The following OSBPL10 variants were observed in gnomAD, a reference collection of about 807,000 sequenced individuals.
OSBPL10 encodes the protein oxysterol-binding protein-related protein 10.
In OSBPL10, 49 loss-of-function variants were observed where a neutral mutation model predicts 81.7. The ratio of observed to expected loss-of-function variants is 0.60; its 90% CI spans 0.48 to 0.76. The LOEUF (loss-of-function observed/expected upper bound fraction) is 0.76. Among genes scored for constraint, OSBPL10 ranks in the 30% least tolerant of loss-of-function variants. The probability of loss-of-function intolerance (pLI) is 0.00; values close to 1 mark genes in which losing one functional copy is unlikely to be tolerated. For missense variants in OSBPL10, 923 were observed against 987.8 expected (o/e 0.93, Z 0.88); for synonymous variants, 419 against 383.6 (o/e 1.09, Z -1.08).
intron 7 of OSBPL10, among the ~76,000 whole-genome samples, chr3:31,688,150 T>G (rs1700840096): frequency 6.6e-6 from 1 of 151,702 alleles, no homozygotes; most frequent in Non-Finnish European, 1.5e-5. Context: ...CCTCCAACTC[T>G]CCTCCACACA....
chr3:31,970,045 A>G (rs1404433692), intron 1 of OSBPL10, among the ~76,000 whole-genome samples: 1 of 152,164 alleles, frequency 6.6e-6, no homozygotes, highest in East Asian at 1.9e-4. Flanking sequence ...GTAGGAGACC[A>G]AGTTCTTTCC....
At chr3:31,875,559 A>G (rs1470177941) in intron 3 of OSBPL10, among the ~76,000 whole-genome samples, 2 of 88,534 alleles carry the variant, frequency 2.3e-5, no homozygotes, top group Non-Finnish European at 5.1e-5. Flanking sequence ...TTTCTTTAAA[A>G]AAAAAAAAAA....
intron 1 of OSBPL10, among the ~76,000 whole-genome samples, chr3:31,901,013 T>C (rs144305482): frequency 1.8e-4 from 28 of 152,258 alleles, no homozygotes; most frequent in Admixed American, 5.2e-4. Context: ...TCTGCAACTC[T>C]ACTGTAAATC....
At chr3:31,803,667 C>T (rs1283578551) in intron 4 of OSBPL10, among the ~76,000 whole-genome samples, 3 of 152,186 alleles carry the variant, frequency 2.0e-5, no homozygotes, top group African/African-American at 4.8e-5. Context: ...AGTTTTCCCA[C>T]TAATAGCTTT....
At chr3:31,794,726 G>A (rs902281982) in intron 4 of OSBPL10, 1 of 291,950 alleles carries the variant, frequency 3.4e-6, no homozygotes, top group Non-Finnish European at 7.2e-6. Flanking sequence ...AGGGCAGGGG[G>A]GTCTCCCAAG....
intron 1 of OSBPL10, among the ~76,000 whole-genome samples, chr3:31,946,246 CTAA>C: frequency 6.6e-6 from 1 of 151,908 alleles, no homozygotes; most frequent in Admixed American, 6.6e-5. Flanking sequence ...TCCCCAAGTG[CTAA>C]AATTATAGGC....
chr3:31,735,483 A>C (rs558372947), intron 5 of OSBPL10, among the ~76,000 whole-genome samples: 1 of 152,176 alleles, frequency 6.6e-6, no homozygotes, highest in Non-Finnish European at 1.5e-5. Context: ...TTATCATTAC[A>C]ATTGGAACAA....
chr3:31,742,286 C>T (rs1164542411), intron 5 of OSBPL10, among the ~76,000 whole-genome samples: 2 of 152,196 alleles, frequency 1.3e-5, no homozygotes, highest in East Asian at 3.9e-4. Flanking sequence ...GCCAGAAGAG[C>T]CAAGGGTCCT....
intron 1 of OSBPL10, among the ~76,000 whole-genome samples, chr3:31,980,566 A>C (rs1698806081): frequency 6.6e-6 from 1 of 151,696 alleles, no homozygotes; most frequent in Non-Finnish European, 1.5e-5. Flanking sequence ...GCGTGCGGGA[A>C]ACCGCGGACA....
chr3:31,871,107 T>C (rs886650477), intron 3 of OSBPL10, among the ~76,000 whole-genome samples: 2 of 151,660 alleles, frequency 1.3e-5, no homozygotes, highest in African/African-American at 2.4e-5. Context: ...AAACCAGCAG[T>C]GGCAACCCGT....
chr3:31,887,672 T>C (rs1026706906), intron 1 of OSBPL10, among the ~76,000 whole-genome samples: 3 of 152,160 alleles, frequency 2.0e-5, no homozygotes, highest in South Asian at 2.1e-4. Context: ...TAGAAGAAAA[T>C]AGTAAGTTTT....
At chr3:31,687,917 TAATAATAA>T (rs537920150) in intron 7 of OSBPL10, among the ~76,000 whole-genome samples, 89 of 150,298 alleles carry the variant, frequency 5.9e-4, no homozygotes, top group Non-Finnish European at 1.2e-3. Flanking sequence ...ATAATAATAA[TAATAATAA>T]TTTTTTTAAA....
Position 31,853,956 on chromosome 3 carries a change from A to G in OSBPL10, c.537+22477T>C, listed in dbSNP as rs1700838797. On this transcript the variant is annotated intron_variant, in intron 3 of 11. Transcript: ENST00000396556. ...TCATTGCCTATTTAAAAAGCAAGAC[A>G]TATCTTATAAGGATATTGTAAGGAT... Among the ~76,000 whole-genome samples the G allele has an allele frequency of 2.0e-5, 3 of 152,364 alleles. No homozygotes were observed. The South Asian group carries it at 6.2e-4, about 32-fold the overall frequency.
At chr3:31,903,148 T>C (rs9811517) in intron 1 of OSBPL10, among the ~76,000 whole-genome samples, 14,796 of 152,118 alleles carry the variant, frequency 0.097, 960 homozygotes, top group African/African-American at 0.18. Context: ...AAGCACTAAG[T>C]ACCAAGCACT....
intron 1 of OSBPL10, among the ~76,000 whole-genome samples, chr3:31,918,757 C>T (rs1696829300): frequency 1.3e-5 from 2 of 152,166 alleles, no homozygotes; most frequent in South Asian, 4.1e-4. Flanking sequence ...TACTGCTAGA[C>T]CATCTATTAA....
rs74776734 is a variant in OSBPL10, at chr3:31,760,661, C to T, written c.730-12541G>A. Among the ~76,000 whole-genome samples, 185 of 152,276 alleles carry T rather than the reference C, an allele frequency of 1.2e-3. 1 individual carries two copies. Among genetic ancestry groups the T allele is most frequent in the African/African-American group, 4.3e-3 (180 of 41,552 alleles). ...TCTAGGGATGCAGAACCCACAGATA[C>T]GGAGGGCTGACTGTATGCCCTTTTT... On this transcript the variant is annotated intron_variant, in intron 4 of 11. Transcript: ENST00000396556.
intron 3 of OSBPL10, among the ~76,000 whole-genome samples, chr3:31,870,395 C>T (rs1265039226): frequency 1.3e-5 from 2 of 152,218 alleles, no homozygotes; most frequent in Non-Finnish European, 2.9e-5. Flanking sequence ...GCCTGAGCCT[C>T]CCACCCCTCC....
At chr3:32,017,174 A>T (rs1024237215) in intron 2 of OSBPL10, among the ~76,000 whole-genome samples, 3 of 152,188 alleles carry the variant, frequency 2.0e-5, no homozygotes, top group African/African-American at 7.2e-5. Context: ...CTTATGAATG[A>T]TTTCATTTGA....
At chr3:31,929,382 T>C (rs1384471295) in intron 1 of OSBPL10, among the ~76,000 whole-genome samples, 1 of 152,204 alleles carries the variant, frequency 6.6e-6, no homozygotes. Context: ...AATATGTGGC[T>C]TTAATACAGA....
Sources: gnomAD v4.1 joint callset for allele counts (sites outside exome capture counted in the v4.1 genomes callset) on GRCh38, gnomAD v4.1.1 for gene constraint, MANE v1.5 for transcripts, NCBI Gene and HGNC (gene_info 2026-07-23, HGNC 2026-07-21) for gene names.